The following TTC9 variants were observed in gnomAD, a reference collection of about 807,000 sequenced individuals.
TTC9 encodes tetratricopeptide repeat protein 9A.
Under a neutral mutation model 22.9 loss-of-function variants are expected in TTC9, and 13 were observed. The observed-to-expected ratio is 0.57, with a 90% CI of 0.37 to 0.90. The LOEUF (loss-of-function observed/expected upper bound fraction) is 0.90. Among genes scored for constraint, TTC9 ranks in the 40% least tolerant of loss-of-function variants. TTC9 has a pLI of 0.01. For missense variants in TTC9, 280 were observed against 291.8 expected, an observed-to-expected ratio of 0.96 and a Z score of 0.29; for synonymous variants, 148 against 133.2, an observed-to-expected ratio of 1.11 and a Z score of -0.77.
chr14:70,673,012 ATT>A lies in TTC9; in HGVS notation c.*1859_*1860del, dbSNP rs1024770997. On this transcript the variant is annotated 3_prime_UTR_variant, in exon 3 of 3. Transcript: ENST00000256367. ...GTGATAGTACATGGCCTCCTTATGT[ATT>A]TACTCAAGGGCCCCAAAAGACCAGA... The A allele has an allele frequency of 2.0e-5, 3 of 152,232 alleles. No individual in the cohort carries two copies. Among genetic ancestry groups the A allele is most frequent in the African/African-American group, 7.2e-5 (3 of 41,452 alleles). The allele number at this position is 152,232 out of a possible 1,614,324, so 9.4% of individuals were successfully genotyped here. A position where few individuals can be genotyped will look rare whatever the true frequency, so the allele number is the denominator to read the frequency against.
chr14:70,657,098 C>A (rs1886077285), intron 1 of TTC9, among the ~76,000 whole-genome samples: 1 of 152,208 alleles, frequency 6.6e-6, no homozygotes, highest in Non-Finnish European at 1.5e-5. Context: ...TTTCAGCTTA[C>A]AGGATTTTAT....
In TTC9 at chr14:70,672,437, CACTT is replaced by C. The variant is rs1315922117; in HGVS notation, c.*1286_*1289del. On this transcript the variant is annotated 3_prime_UTR_variant, in exon 3 of 3. Coordinates refer to ENST00000256367, the MANE Select transcript of TTC9 (RefSeq NM_015351.2). Reference sequence around the variant, plus strand: ...CATGTTGCTTCAGTCAAACAAGAAACACTTACTGAGGGCATATTGTTTGCCCATC... The same window carrying C: ...CATGTTGCTTCAGTCAAACAAGAAACACTGAGGGCATATTGTTTGCCCATC... 2.0e-5 allele frequency: 3 copies of C among 152,210 alleles called. No individual in the cohort carries two copies. The highest frequency in any genetic ancestry group is 1.3e-4 in the Admixed American group (2 of 15,278). The allele number at this position is 152,210 out of a possible 1,614,324, so 9.4% of individuals were successfully genotyped here.
Position 70,642,571 on chromosome 14 carries a change from G to A in TTC9, c.406+36G>A, listed in dbSNP as rs773763843. ...CCGCGCCCCCCGCGCCGCGGTCCCC[G>A]TTCTTCGGCCCGGTCCCTCCGCGGA... On this transcript the variant is annotated intron_variant, in intron 1 of 2. Coordinates refer to ENST00000256367, the MANE Select transcript of TTC9 (RefSeq NM_015351.2). 6.7e-5 allele frequency: 102 copies of A among 1,513,170 alleles called. No homozygotes were observed. The African/African-American group carries it at 1.3e-3, about 20-fold the overall frequency. 93.7% of individuals were successfully genotyped at this position (1,513,170 alleles called of 1,614,324 possible).
chr14:70,669,088 G>A (rs1299785751), intron 2 of TTC9, among the ~76,000 whole-genome samples: 2 of 151,770 alleles, frequency 1.3e-5, no homozygotes, highest in African/African-American at 2.4e-5. Flanking sequence ...CCCAGGAGGC[G>A]GAGGTTGCAG....
chr14:70,642,216 G>A lies in TTC9; in HGVS notation c.87G>A (p.Leu29=), dbSNP rs1885823607. 1.6e-6 allele frequency: 2 copies of A among 1,286,966 alleles called. No individual in the cohort carries two copies. Among genetic ancestry groups the A allele is most frequent in the Admixed American group, 4.2e-5 (1 of 23,546 alleles). 79.7% of individuals were successfully genotyped at this position (1,286,966 alleles called of 1,614,324 possible). A position where few individuals can be genotyped will look rare whatever the true frequency, so the allele number is the denominator to read the frequency against. ...AGEGQRPPPP[L]CVPGGGGGAP... is the part of the protein sequence containing the mutation. ...AGGGGCAGCGGCCACCGCCGCCGCTGTGCGTCCCGGGCGGCGGCGGAGGAG... is the reference window on the plus strand; with the variant it reads ...AGGGGCAGCGGCCACCGCCGCCGCTATGCGTCCCGGGCGGCGGCGGAGGAG... Residue 29 remains leucine (L), a synonymous_variant, in exon 1 of 3, where the codon CTG becomes CTA. Coordinates refer to ENST00000256367, the MANE Select transcript of TTC9 (RefSeq NM_015351.2).
rs765317640 is a variant in TTC9 at position 70,642,378 on chromosome 14, G to A, written c.249G>A (p.Ala83=). The A allele has an allele frequency of 4.4e-6, 7 of 1,605,406 alleles. No individual in the cohort carries two copies. The South Asian group carries it at 5.6e-5, about 13-fold the overall frequency. The change falls in exon 1 of 3, where the codon GCG becomes GCA. Residue 83 remains alanine (A), a synonymous_variant. Transcript: ENST00000256367. ...AAGCCATAGGCAAATACCACCGGGC[G>A]TTGCTGGAGCTGAAGGGGCTGCTGC... The part of the protein sequence containing the change: ...FREAIGKYHR[A]LLELKGLLPP...
At chr14:70,668,820 C>T (rs981460473) in intron 2 of TTC9, among the ~76,000 whole-genome samples, 24 of 141,060 alleles carry the variant, frequency 1.7e-4, no homozygotes, top group African/African-American at 6.0e-4. Context: ...CACTGCACTC[C>T]AGCCTGAGCG....
intron 1 of TTC9, among the ~76,000 whole-genome samples, chr14:70,662,686 C>A (rs767539338): frequency 3.3e-5 from 5 of 152,130 alleles, no homozygotes; most frequent in Non-Finnish European, 7.4e-5. Flanking sequence ...TTGCAGATGC[C>A]CAGAAAGGGA....
intron 1 of TTC9, among the ~76,000 whole-genome samples, chr14:70,666,087 T>C (rs1428741710): frequency 6.6e-6 from 1 of 151,944 alleles, no homozygotes; most frequent in African/African-American, 2.4e-5. Context: ...TACTAGATAT[T>C]TGAGTGGTTA....
chr14:70,641,996 C>A lies in TTC9; in HGVS notation c.-134C>A. ...GGGAGTGCGGGGCGCCAGACCGCCGCGGGGTGTCACGGCCGCCACGAAGCC... is the reference window on the plus strand; with the variant it reads ...GGGAGTGCGGGGCGCCAGACCGCCGAGGGGTGTCACGGCCGCCACGAAGCC... On this transcript the variant is annotated 5_prime_UTR_variant, in exon 1 of 3. Coordinates refer to ENST00000256367, the MANE Select transcript of TTC9 (RefSeq NM_015351.2). The A allele has an allele frequency of 2.0e-6, 1 of 491,318 alleles. No homozygotes were observed. The allele number at this position is 491,318 out of a possible 1,614,324, so 30.4% of individuals were successfully genotyped here. A position where few individuals can be genotyped will look rare whatever the true frequency, so the allele number is the denominator to read the frequency against.
chr14:70,661,444 G>A (rs1594739738), intron 1 of TTC9, among the ~76,000 whole-genome samples: 1 of 152,208 alleles, frequency 6.6e-6, no homozygotes, highest in East Asian at 1.9e-4. Context: ...GCTGGCCCCA[G>A]ATGGGTCTGG....
chr14:70,655,160 G>A (rs914168626), intron 1 of TTC9, among the ~76,000 whole-genome samples: 3 of 152,218 alleles, frequency 2.0e-5, no homozygotes, highest in Non-Finnish European at 4.4e-5. Context: ...TTGGGAGGCC[G>A]AGGTGGGTGG....
intron 1 of TTC9, among the ~76,000 whole-genome samples, chr14:70,661,431 G>A (rs1454981522): frequency 1.3e-5 from 2 of 152,216 alleles, no homozygotes; most frequent in Non-Finnish European, 2.9e-5. Flanking sequence ...CTTCCTTCTC[G>A]CTGCTGGCCC....
At chr14:70,655,028 T>C (rs951936548) in intron 1 of TTC9, among the ~76,000 whole-genome samples, 4 of 152,232 alleles carry the variant, frequency 2.6e-5, no homozygotes, top group African/African-American at 7.2e-5. Context: ...AAGAAACCTT[T>C]AGGCCAAACT....
chr14:70,653,020 T>A (rs1364846201), intron 1 of TTC9, among the ~76,000 whole-genome samples: 1 of 152,244 alleles, frequency 6.6e-6, no homozygotes, highest in East Asian at 1.9e-4. Flanking sequence ...CTAGCTTCCC[T>A]ACTTCTTCCT....
chr14:70,658,777 C>T lies in TTC9; in HGVS notation c.407-8787C>T, dbSNP rs902083960. ...CCTGACTATTCCTATCAACTTTATT[C>T]GTAATAATCAAATACTGGAAACAGC... is the stretch of plus-strand genomic sequence containing the variant. On this transcript the variant is annotated intron_variant, in intron 1 of 2. Coordinates refer to ENST00000256367, the MANE Select transcript of TTC9 (RefSeq NM_015351.2). 3.9e-5 allele frequency among the ~76,000 whole-genome samples: 6 copies of T among 152,078 alleles called. No homozygotes were observed. The East Asian group carries it at 7.7e-4, about 19-fold the overall frequency.
intron 1 of TTC9, among the ~76,000 whole-genome samples, chr14:70,664,727 TA>T (rs71105722): frequency 0.65 from 92,097 of 141,046 alleles, 31,711 homozygotes; most frequent in Non-Finnish European, 0.76. Flanking sequence ...TGACTCCATT[TA>T]AAAAAAAAAA....
At chr14:70,659,119 A>AACACACACACGCACAC (rs1365105263) in intron 1 of TTC9, among the ~76,000 whole-genome samples, 44 of 134,704 alleles carry the variant, frequency 3.3e-4, no homozygotes, top group Middle Eastern at 7.5e-3. Flanking sequence ...TATATAACTA[A>AACACACACACGCACAC]ACACACACAC....
rs774020923 is a variant in TTC9 at position 70,673,267 on chromosome 14, C to T, written c.*2112C>T. 1.2e-4 allele frequency: 18 copies of T among 152,176 alleles called. No homozygotes were observed. The highest frequency in any genetic ancestry group is 2.2e-4 in the African/African-American group (9 of 41,434). 9.4% of individuals were successfully genotyped at this position (152,176 alleles called of 1,614,324 possible). On this transcript the variant is annotated 3_prime_UTR_variant, in exon 3 of 3. Transcript: ENST00000256367. ...TTAATTATGTAAGCAGATGCCCCAC[C>T]ACGGCAGGATCCAATCACAGCCGAG...
Sources: gnomAD v4.1 joint callset for allele counts (sites outside exome capture counted in the v4.1 genomes callset) on GRCh38, gnomAD v4.1.1 for gene constraint, MANE v1.5 for transcripts, NCBI Gene and HGNC (gene_info 2026-07-23, HGNC 2026-07-21) for gene names.